LRRC17: variants seen among roughly 807,000 people sequenced by gnomAD.
The protein encoded by LRRC17 is leucine rich repeat containing 17.
In LRRC17, 33 loss-of-function variants were observed where a neutral mutation model predicts 41.5. The ratio of observed to expected loss-of-function variants is 0.80; its 90% CI spans 0.60 to 1.06. The LOEUF (loss-of-function observed/expected upper bound fraction) is 1.06, where lower values mean the gene tolerates loss of function less well. Ranked by LOEUF, LRRC17 falls within the 50% of genes least tolerant of loss-of-function variation. LRRC17 has a pLI of 0.00. For missense variants in LRRC17, 491 were observed against 519.3 expected (o/e 0.95, Z 0.53); for synonymous variants, 192 against 197.0 (o/e 0.97, Z 0.21).
intron 3 of LRRC17, 43 bp from the exon 4 acceptor site, chr7:102,944,166 AT>A: frequency 6.6e-7 from 1 of 1,518,666 alleles, no homozygotes; most frequent in Non-Finnish European, 8.9e-7. Flanking sequence ...CATACACTGT[AT>A]TAACTCAATT....
At chr7:102,926,479 G>A (rs1341880333) in intron 1 of LRRC17, 2 of 790,856 alleles carry the variant, frequency 2.5e-6, no homozygotes, top group African/African-American at 3.5e-5. Flanking sequence ...AAAAATACAT[G>A]TAAGAGTTGG....
intron 1 of LRRC17, among the ~76,000 whole-genome samples, chr7:102,914,441 C>T (rs1815414541): frequency 6.6e-6 from 1 of 152,164 alleles, no homozygotes; most frequent in South Asian, 2.1e-4. Context: ...AGCAATCATG[C>T]TCTTAGTTTG....
chr7:102,932,885 G>A (rs186684391), intron 1 of LRRC17, among the ~76,000 whole-genome samples: 191 of 152,230 alleles, frequency 1.3e-3, no homozygotes, highest in Middle Eastern at 3.4e-3. Flanking sequence ...ATGAGCCACC[G>A]CACCTGGCCA....
rs777566366 is a variant in LRRC17 at position 102,944,305 on chromosome 7, T to C, written c.1024T>C (p.Leu342=). 36 of 1,613,992 alleles carry C rather than the reference T, an allele frequency of 2.2e-5. No individual in the cohort carries two copies. Among genetic ancestry groups the C allele is most frequent in the South Asian group, 8.8e-5 (8 of 91,080 alleles). Reference sequence around the variant, plus strand: ...TGGCGTATTAGAAGACTTGTATTTTTTGAAACTCTTGTGGCTCAGAGATAA... The same window carrying C: ...TGGCGTATTAGAAGACTTGTATTTTCTGAAACTCTTGTGGCTCAGAGATAA... ...DYGVLEDLYF[L]KLLWLRDNPW... Residue 342 remains leucine (L), a synonymous_variant, in exon 4 of 4, where the codon TTG becomes CTG. Coordinates refer to ENST00000339431, the MANE Select transcript of LRRC17 (RefSeq NM_001031692.3).
At chr7:102,926,274 C>G in intron 1 of LRRC17, 1 of 1,612,266 alleles carries the variant, frequency 6.2e-7, no homozygotes. Context: ...CAAACATTAC[C>G]TCGGCAGGAG....
chr7:102,919,661 A>G (rs1207567317), intron 1 of LRRC17, among the ~76,000 whole-genome samples: 1 of 152,232 alleles, frequency 6.6e-6, no homozygotes, highest in Non-Finnish European at 1.5e-5. Flanking sequence ...ATCAAAGTTT[A>G]TGGACCAATA....
Position 102,942,386 on chromosome 7 carries a change from G to A in LRRC17, c.929-1824G>A, listed in dbSNP as rs903671788. ...TGGGAGTTGCCAGACTTTAAAAGAC[G>A]TGAATAACAATCATATAAAATGCCA... On this transcript the variant is annotated intron_variant, in intron 3 of 3. Coordinates refer to ENST00000339431, the MANE Select transcript of LRRC17 (RefSeq NM_001031692.3). 32 of 1,465,398 alleles carry A rather than the reference G, an allele frequency of 2.2e-5. No homozygotes were observed. In the African/African-American group the frequency reaches 3.2e-4, roughly 14 times the overall value. The allele number at this position is 1,465,398 out of a possible 1,614,324, so 90.8% of individuals were successfully genotyped here. A position where few individuals can be genotyped will look rare whatever the true frequency, so the allele number is the denominator to read the frequency against.
intron 1 of LRRC17, among the ~76,000 whole-genome samples, chr7:102,918,738 T>C (rs1262935507): frequency 1.3e-5 from 2 of 152,178 alleles, no homozygotes; most frequent in African/African-American, 4.8e-5. Flanking sequence ...GGGTGTAGCC[T>C]GGGTGAAAGA....
In LRRC17 at chr7:102,944,290, G is replaced by A; in HGVS notation, c.1009G>A (p.Glu337Lys). The A allele has an allele frequency of 6.2e-7, 1 of 1,613,926 alleles. No individual in the cohort carries two copies. Among genetic ancestry groups the A allele is most frequent in the African/African-American group, 1.3e-5 (1 of 75,028 alleles). Residue 337 changes from glutamate to lysine, a missense_variant, in exon 4 of 4, where the codon GAA becomes AAA. Physicochemically the swap from Glu to Lys is moderately conservative, Grantham distance 56. Coordinates refer to ENST00000339431, the MANE Select transcript of LRRC17 (RefSeq NM_001031692.3). ...SLQNFDYGVL[E>K]DLYFLKLLWL... ...GCAAAACTTTGACTATGGCGTATTAGAAGACTTGTATTTTTTGAAACTCTT... is the reference window on the plus strand; with the variant it reads ...GCAAAACTTTGACTATGGCGTATTAAAAGACTTGTATTTTTTGAAACTCTT...
intron 1 of LRRC17, among the ~76,000 whole-genome samples, chr7:102,924,878 C>CCCGG (rs1817797633): frequency 6.6e-6 from 1 of 152,010 alleles, no homozygotes; most frequent in African/African-American, 2.4e-5. Context: ...ATCCACCCGC[C>CCCGG]CCGGCCTCCC....
At chr7:102,913,251 C>T (rs1027632462) in intron 1 of LRRC17, 106 bp downstream of exon 1, 2 of 1,612,372 alleles carry the variant, frequency 1.2e-6, no homozygotes, top group Admixed American at 3.3e-5. Context: ...AAGTATTATA[C>T]TTCCGTTGTT....
Position 102,933,783 on chromosome 7 carries a change from T to G in LRRC17, c.-131T>G. On this transcript the variant is annotated 5_prime_UTR_variant, in exon 2 of 4. Coordinates refer to ENST00000339431, the MANE Select transcript of LRRC17 (RefSeq NM_001031692.3). ...TTTTTTTCTCTTCCAGCCTAGGGAC[T>G]CCACGTACCCCAGCTGGGTCTCATT... 1.1e-6 allele frequency: 1 copy of G among 910,222 alleles called. No individual in the cohort carries two copies. The highest frequency in any genetic ancestry group is 1.6e-6 in the Non-Finnish European group (1 of 612,578). 56.4% of individuals were successfully genotyped at this position (910,222 alleles called of 1,614,324 possible). A position where few individuals can be genotyped will look rare whatever the true frequency, so the allele number is the denominator to read the frequency against.
rs1235652924 is a variant in LRRC17, at chr7:102,944,214, T to G, written c.933T>G (p.Ala311=). ...ATAAATATTTTCTGTTTCCAGCCGC[T>G]TTTTTAGGGCTCACACATTTAGAAG... is the stretch of plus-strand genomic sequence containing the variant. ...SNGIEFIDPA[A]FLGLTHLEEL... Residue 311 remains alanine, a synonymous_variant, in exon 4 of 4, where the codon GCT becomes GCG. Transcript: ENST00000339431. 1.3e-6 allele frequency: 2 copies of G among 1,600,000 alleles called. No homozygotes were observed. Among genetic ancestry groups the G allele is most frequent in the Non-Finnish European group, 1.7e-6 (2 of 1,174,600 alleles).
chr7:102,924,559 C>T (rs1489074232), intron 1 of LRRC17, among the ~76,000 whole-genome samples: 7 of 150,926 alleles, frequency 4.6e-5, no homozygotes, highest in Non-Finnish European at 5.9e-5. Context: ...GGTGCCACTT[C>T]TTAGGCTGGT....
Position 102,944,267 on chromosome 7 carries a change from A to C in LRRC17, c.986A>C (p.Gln329Pro), listed in dbSNP as rs754360891. 18 of 1,613,254 alleles carry C rather than the reference A, an allele frequency of 1.1e-5. No individual in the cohort carries two copies. The highest frequency in any genetic ancestry group is 1.4e-5 in the Non-Finnish European group (17 of 1,179,814). ...TTAGATTTATCAAACAACAGTCTGC[A>C]AAACTTTGACTATGGCGTATTAGAA... is the stretch of plus-strand genomic sequence containing the variant. ...EELDLSNNSL[Q>P]NFDYGVLEDL... The change falls in exon 4 of 4, where the codon CAA becomes CCA. Residue 329 changes from glutamine (Q) to proline (P), a missense_variant. Physicochemically the swap from Gln to Pro is moderately conservative, Grantham distance 76. Transcript: ENST00000339431.
chr7:102,923,597 C>G (rs867942541), intron 1 of LRRC17, among the ~76,000 whole-genome samples: 1 of 149,398 alleles, frequency 6.7e-6, no homozygotes, highest in Non-Finnish European at 1.5e-5. Flanking sequence ...CTGAGGCAGG[C>G]GGATCACGAG....
At chr7:102,941,570 C>G (rs182328379) in intron 3 of LRRC17, among the ~76,000 whole-genome samples, 1 of 152,106 alleles carries the variant, frequency 6.6e-6, no homozygotes, top group Non-Finnish European at 1.5e-5. Context: ...GATAAATAGA[C>G]TCTGTCTAGG....
In LRRC17 at chr7:102,934,550, AATG is replaced by A. The variant is rs762509863; in HGVS notation, c.639_641del (p.Asn213_Glu214delinsLys). 6.6e-7 allele frequency: 1 copy of A among 1,526,450 alleles called. No individual in the cohort carries two copies. Among genetic ancestry groups the A allele is most frequent in the Non-Finnish European group, 8.8e-7 (1 of 1,133,118 alleles). The allele number at this position is 1,526,450 out of a possible 1,614,324, so 94.6% of individuals were successfully genotyped here. A position where few individuals can be genotyped will look rare whatever the true frequency, so the allele number is the denominator to read the frequency against. On this transcript the variant is annotated inframe_deletion, in exon 2 of 4. Coordinates refer to ENST00000339431, the MANE Select transcript of LRRC17 (RefSeq NM_001031692.3). The stretch of plus-strand genomic sequence containing the variant: ...GCAGATAAAATCTGAACAGTTGTGT[AATG>A]AAGAAGAAAAGGAACAATTGGACCC...
chr7:102,931,644 T>C lies in LRRC17; in HGVS notation c.-140-2130T>C, dbSNP rs758398309. Among the ~76,000 whole-genome samples, 4 of 152,190 alleles carry C rather than the reference T, an allele frequency of 2.6e-5. No individual in the cohort carries two copies. The South Asian group carries it at 6.2e-4, about 24-fold the overall frequency. On this transcript the variant is annotated intron_variant, in intron 1 of 3. Coordinates refer to ENST00000339431, the MANE Select transcript of LRRC17 (RefSeq NM_001031692.3). ...CCATTAAATATAAATACAGTTCATT[T>C]TGGGTAGTCATTGAAGAATTTCTAC... is the stretch of plus-strand genomic sequence containing the variant.
Sources: allele counts gnomAD v4.1 joint callset (sites outside exome capture counted in the v4.1 genomes callset), GRCh38; gene constraint gnomAD v4.1.1; transcripts MANE v1.5; gene names NCBI Gene and HGNC (gene_info 2026-07-23, HGNC 2026-07-21).